NKAIN3: variants seen among roughly 807,000 people sequenced by gnomAD.
The protein encoded by NKAIN3 is sodium/potassium transporting ATPase interacting 3.
A neutral mutation model predicts 30.2 loss-of-function variants in NKAIN3; 25 were observed. That is an observed-to-expected ratio of 0.83 (90% CI 0.60 to 1.16). The LOEUF is 1.16. Ranked by LOEUF, NKAIN3 falls within the 50% of genes most tolerant of loss-of-function variation. The probability of loss-of-function intolerance (pLI) is 0.00; values close to 1 mark genes in which losing one functional copy is unlikely to be tolerated. For missense variants in NKAIN3, 225 were observed against 254.1 expected, an observed-to-expected ratio of 0.89 and a Z score of 0.78; for synonymous variants, 91 against 89.6, an observed-to-expected ratio of 1.02 and a Z score of -0.09.
At chr8:62,579,453 C>A (rs1469813811) in intron 1 of NKAIN3, 86 bp from the exon 2 acceptor site, 7 of 1,009,534 alleles carry the variant, frequency 6.9e-6, no homozygotes, top group East Asian at 5.3e-5. Flanking sequence ...GTTGAATATG[C>A]AGACTCCTCC....
At chr8:62,498,215 T>G (rs1359941301) in intron 1 of NKAIN3, among the ~76,000 whole-genome samples, 1 of 152,132 alleles carries the variant, frequency 6.6e-6, no homozygotes, top group Non-Finnish European at 1.5e-5. Context: ...GATAGTGGAC[T>G]GTGACACTTG....
At chr8:62,826,456 T>C (rs1232193069) in intron 4 of NKAIN3, among the ~76,000 whole-genome samples, 1 of 152,204 alleles carries the variant, frequency 6.6e-6, no homozygotes, top group East Asian at 1.9e-4. Context: ...AATTATTAAG[T>C]TCTCTTAGGC....
chr8:62,890,751 C>T (rs1032592098), intron 4 of NKAIN3, among the ~76,000 whole-genome samples: 2 of 152,238 alleles, frequency 1.3e-5, no homozygotes, highest in African/African-American at 4.8e-5. Flanking sequence ...ACCCTCTCTG[C>T]AGGCTTGCCT....
At chr8:62,777,864 G>A (rs1247451364) in intron 4 of NKAIN3, among the ~76,000 whole-genome samples, 1 of 152,060 alleles carries the variant, frequency 6.6e-6, no homozygotes, top group Non-Finnish European at 1.5e-5. Context: ...GTATTCAAAG[G>A]TCCTTGATTG....
intron 6 of NKAIN3, among the ~76,000 whole-genome samples, chr8:62,958,571 A>G (rs562008286): frequency 2.0e-4 from 31 of 152,254 alleles, no homozygotes; most frequent in African/African-American, 7.2e-4. Flanking sequence ...ATACCTACAC[A>G]TCAGCTTACA....
At chr8:62,656,844 G>C (rs922892557) in intron 3 of NKAIN3, among the ~76,000 whole-genome samples, 1 of 152,106 alleles carries the variant, frequency 6.6e-6, no homozygotes, top group Non-Finnish European at 1.5e-5. Flanking sequence ...ACCTCTAGCT[G>C]TTCAGGACTG....
At chr8:62,684,539 C>T (rs192306985) in intron 3 of NKAIN3, among the ~76,000 whole-genome samples, 41 of 152,180 alleles carry the variant, frequency 2.7e-4, no homozygotes, top group Non-Finnish European at 4.1e-4. Context: ...TCTGCAAAAC[C>T]GGATGGGGCA....
At position 62,653,636 on chromosome 8, in the gene NKAIN3, G is replaced by A. The variant is rs187750971; in HGVS notation, c.273+63842G>A. On this transcript the variant is annotated intron_variant, in intron 3 of 6. Transcript: ENST00000623646. Reference sequence around the variant, plus strand: ...ATACAAGTGTCCTGAAAGGAACAAGGAGGATGCAATTAATTTTGTTTGGAT... The same window carrying A: ...ATACAAGTGTCCTGAAAGGAACAAGAAGGATGCAATTAATTTTGTTTGGAT... Among the ~76,000 whole-genome samples the A allele has an allele frequency of 1.2e-4, 18 of 152,270 alleles. No individual in the cohort carries two copies. The East Asian group carries it at 1.7e-3, about 15-fold the overall frequency.
intron 1 of NKAIN3, among the ~76,000 whole-genome samples, chr8:62,497,356 C>T (rs1411436568): frequency 6.6e-6 from 1 of 151,534 alleles, no homozygotes; most frequent in Non-Finnish European, 1.5e-5. Context: ...ACTGTCTTAT[C>T]AGTAGAAACA....
At chr8:62,266,538 AT>A (rs1812607795) in intron 1 of NKAIN3, among the ~76,000 whole-genome samples, 1 of 152,202 alleles carries the variant, frequency 6.6e-6, no homozygotes, top group South Asian at 2.1e-4. Context: ...TTTACATACT[AT>A]GTAATTTAAA....
At chr8:62,267,992 T>C (rs1394115109) in intron 1 of NKAIN3, among the ~76,000 whole-genome samples, 1 of 152,224 alleles carries the variant, frequency 6.6e-6, no homozygotes, top group East Asian at 1.9e-4. Flanking sequence ...TTTTAAAAAA[T>C]CTAATTTCTT....
Position 62,623,642 on chromosome 8 carries a change from A to G in NKAIN3, c.273+33848A>G, listed in dbSNP as rs926431373. Among the ~76,000 whole-genome samples, 8 of 152,226 alleles carry G rather than the reference A, an allele frequency of 5.3e-5. No homozygotes were observed. The East Asian group carries it at 1.2e-3, about 22-fold the overall frequency. ...CTTAAATGATTTTCCTTCTTTCTAA[A>G]GAACTACTTGAAAGGCAGGTCTGCT... is the stretch of plus-strand genomic sequence containing the variant. On this transcript the variant is annotated intron_variant, in intron 3 of 6. Transcript: ENST00000623646.
chr8:62,561,751 A>G (rs1218821709), intron 1 of NKAIN3, among the ~76,000 whole-genome samples: 1 of 152,188 alleles, frequency 6.6e-6, no homozygotes, highest in Non-Finnish European at 1.5e-5. Flanking sequence ...GGCAAATACT[A>G]ACACTTCCCC....
At chr8:62,775,420 T>C (rs1424901376) in intron 4 of NKAIN3, among the ~76,000 whole-genome samples, 1 of 152,080 alleles carries the variant, frequency 6.6e-6, no homozygotes, top group Non-Finnish European at 1.5e-5. Flanking sequence ...TCTACTCAGC[T>C]ATTTATTATT....
intron 4 of NKAIN3, among the ~76,000 whole-genome samples, chr8:62,787,841 C>T (rs1294072781): frequency 6.6e-6 from 1 of 151,876 alleles, no homozygotes; most frequent in Non-Finnish European, 1.5e-5. Context: ...CATCCATGTC[C>T]CTACAAAGGA....
At chr8:62,964,021 A>C (rs1181916798) in intron 6 of NKAIN3, among the ~76,000 whole-genome samples, 5 of 152,180 alleles carry the variant, frequency 3.3e-5, no homozygotes, top group Non-Finnish European at 7.3e-5. Context: ...TTATGAAGTG[A>C]GTGTGAAACG....
intron 3 of NKAIN3, among the ~76,000 whole-genome samples, chr8:62,657,008 G>A (rs377039275): frequency 2.6e-5 from 4 of 152,162 alleles, no homozygotes; most frequent in Admixed American, 6.6e-5. Flanking sequence ...CATTAGAAAC[G>A]TCAATTTCCA....
intron 3 of NKAIN3, among the ~76,000 whole-genome samples, chr8:62,596,834 G>A (rs1810850305): frequency 2.0e-5 from 3 of 152,192 alleles, no homozygotes; most frequent in South Asian, 2.1e-4. Context: ...TGACAGTTAT[G>A]TTCTATCTTT....
chr8:62,840,763 T>C (rs73258724), intron 4 of NKAIN3, among the ~76,000 whole-genome samples: 2,066 of 152,096 alleles, frequency 0.014, 55 homozygotes, highest in African/African-American at 0.048. Context: ...AAAGGAAAAA[T>C]ATAACTATGG....
Sources: gnomAD v4.1 joint callset for allele counts (sites outside exome capture counted in the v4.1 genomes callset) on GRCh38, gnomAD v4.1.1 for gene constraint, MANE v1.5 for transcripts, NCBI Gene and HGNC (gene_info 2026-07-23, HGNC 2026-07-21) for gene names.